CYP4F12: variants seen among roughly 807,000 people sequenced by gnomAD.
The protein encoded by CYP4F12 is cytochrome P450 family 4 subfamily F member 12, also known as cytochrome P450 4F12.
In CYP4F12, 60 loss-of-function variants were observed where a neutral mutation model predicts 56.5. The observed-to-expected ratio is 1.06, with a 90% CI of 0.86 to 1.32. The LOEUF is 1.32. Among genes scored for constraint, CYP4F12 ranks in the 40% most tolerant of loss-of-function variants. The probability of loss-of-function intolerance (pLI) is 0.00; values close to 1 mark genes in which losing one functional copy is unlikely to be tolerated. For missense variants in CYP4F12, 711 were observed against 683.5 expected, an observed-to-expected ratio of 1.04 and a Z score of -0.45; for synonymous variants, 263 against 264.9, an observed-to-expected ratio of 0.99 and a Z score of 0.07.
At chr19:15,675,637 C>T (rs115168490) in intron 2 of CYP4F12, among the ~76,000 whole-genome samples, 3,722 of 152,144 alleles carry the variant, frequency 0.024, 16 homozygotes, top group African/African-American at 0.086. Flanking sequence ...AGCTTGTCTT[C>T]TCTCTCTGCT....
chr19:15,687,366 A>G (rs542986882), intron 9 of CYP4F12, among the ~76,000 whole-genome samples: 21 of 152,202 alleles, frequency 1.4e-4, no homozygotes, highest in Admixed American at 3.3e-4. Context: ...GAAGATGGCT[A>G]TCTTGATGCC....
intron 9 of CYP4F12, among the ~76,000 whole-genome samples, chr19:15,687,475 T>C (rs1387384225): frequency 6.6e-6 from 1 of 152,228 alleles, no homozygotes; most frequent in Non-Finnish European, 1.5e-5. Flanking sequence ...AATGTCAGTG[T>C]GCCTCTCCCA....
rs755161486 is a variant in CYP4F12, at chr19:15,696,211, T to C, written c.1300T>C (p.Trp434Arg). The C allele has an allele frequency of 9.3e-6, 15 of 1,614,016 alleles. No homozygotes were observed. The highest frequency in any genetic ancestry group is 1.2e-5 in the Non-Finnish European group (14 of 1,180,024). The change falls in exon 11 of 13, where the codon TGG becomes CGG. Residue 434 changes from tryptophan to arginine, a missense_variant. Trp to Arg is a moderately radical substitution (Grantham distance 101). Coordinates refer to ENST00000550308, the MANE Select transcript of CYP4F12 (RefSeq NM_023944.4). ...AGGGGTCCATCACAACCCAACTGTG[T>C]GGCCGGATCCTGAGGTGCTGCCTTC... ...IIGVHHNPTV[W>R]PDPEVYDPFR...
rs575593495 is a variant in CYP4F12 at position 15,682,307 on chromosome 19, G to C, written c.526-82G>C. 3 of 1,561,882 alleles carry C rather than the reference G, an allele frequency of 1.9e-6. No individual in the cohort carries two copies. In the South Asian group the frequency reaches 3.5e-5, roughly 18 times the overall value. On this transcript the variant is annotated intron_variant, in intron 5 of 12. Transcript: ENST00000550308. ...GAGGACCAGGAGGCTGGTTGTGGGG[G>C]AGTCCATCCTGATGTTTGGGACTGG... is the stretch of plus-strand genomic sequence containing the variant.
rs753786918 is a variant in CYP4F12, at chr19:15,682,240, GCA to G, written c.526-148_526-147del. The stretch of plus-strand genomic sequence containing the variant: ...TCTCCTATACTAACAGTTTCTGCTC[GCA>G]TCCCAGTCTGGTCCTCGCTGGCAAT... On this transcript the variant is annotated intron_variant, in intron 5 of 12. Coordinates refer to ENST00000550308, the MANE Select transcript of CYP4F12 (RefSeq NM_023944.4). The G allele has an allele frequency of 4.0e-4, 429 of 1,070,894 alleles. No individual in the cohort carries two copies. In the Middle Eastern group the frequency reaches 4.8e-3, roughly 12 times the overall value. The allele number at this position is 1,070,894 out of a possible 1,614,324, so 66.3% of individuals were successfully genotyped here.
rs777809920 is a variant in CYP4F12, at chr19:15,673,591, T to G, written c.62T>G (p.Leu21Arg). 1.9e-6 allele frequency: 3 copies of G among 1,614,106 alleles called. No individual in the cohort carries two copies. Among genetic ancestry groups the G allele is most frequent in the Non-Finnish European group, 2.5e-6 (3 of 1,179,992 alleles). ...LRPVATSPWL[L>R]LLLVVGSWLL... ...CCGGTGGCAACGTCCCCATGGCTAC[T>G]CCTGCTGCTGGTTGTGGGCTCCTGG... Residue 21 changes from leucine (L) to arginine (R), a missense_variant, in exon 2 of 13, where the codon CTC (leucine) becomes CGC (arginine). Transcript: ENST00000550308.
At chr19:15,695,697 G>A (rs1337611942) in intron 9 of CYP4F12, among the ~76,000 whole-genome samples, 2 of 151,978 alleles carry the variant, frequency 1.3e-5, no homozygotes, top group African/African-American at 2.4e-5. Context: ...ATTTTTTACC[G>A]CTGGCTTCTG....
rs1410840572 is a variant in CYP4F12 at position 15,697,011 on chromosome 19, A to ATC, written c.1501_1502insTC (p.Lys501IlefsTer5). On this transcript the variant is annotated frameshift_variant, in exon 13 of 13. Coordinates refer to ENST00000550308, the MANE Select transcript of CYP4F12 (RefSeq NM_023944.4). LOFTEE classifies it low-confidence loss of function (END_TRUNC). The stretch of plus-strand genomic sequence containing the variant: ...GCCAGACCACACTGAGCCCCGCAGG[A>ATC]AGCTGGAATTGATCATGCGCGCCGA... 3 of 1,614,218 alleles carry ATC rather than the reference A, an allele frequency of 1.9e-6. No homozygotes were observed. In the South Asian group the frequency reaches 3.3e-5, roughly 18 times the overall value.
chr19:15,691,632 C>A (rs1032431643), intron 9 of CYP4F12, among the ~76,000 whole-genome samples: 6 of 151,908 alleles, frequency 3.9e-5, no homozygotes, highest in Admixed American at 1.3e-4. Flanking sequence ...CTGATATTTT[C>A]TGCTGTTTTT....
intron 10 of CYP4F12, 41 bp from the exon 11 acceptor site, chr19:15,696,120 T>G: frequency 1.9e-6 from 3 of 1,611,590 alleles, no homozygotes; most frequent in Non-Finnish European, 2.5e-6. Context: ...GATGGTTCCC[T>G]CAGGGGATCC....
At chr19:15,679,510 A>G (rs2007167322) in intron 3 of CYP4F12, among the ~76,000 whole-genome samples, 1 of 152,176 alleles carries the variant, frequency 6.6e-6, no homozygotes, top group Non-Finnish European at 1.5e-5. Context: ...ACCTGGTTAT[A>G]TCTTTTCTGT....
intron 3 of CYP4F12, 172 bp downstream of exon 3, chr19:15,678,577 C>T (rs993552638): frequency 1.9e-5 from 17 of 879,570 alleles, no homozygotes; most frequent in Non-Finnish European, 2.7e-5. Context: ...ACCACTGGGG[C>T]TCCAAGAGGC....
At position 15,696,040 on chromosome 19, in the gene CYP4F12, T is replaced by G. The variant is rs1424629816; in HGVS notation, c.1220T>G (p.Val407Gly). The G allele has an allele frequency of 1.2e-6, 2 of 1,613,834 alleles. No individual in the cohort carries two copies. Among genetic ancestry groups the G allele is most frequent in the Admixed American group, 1.7e-5 (1 of 59,962 alleles). Residue 407 changes from valine to glycine, a missense_variant, in exon 10 of 13, where the codon GTT (valine) becomes GGT (glycine). Transcript: ENST00000550308. ...TCCCGATGCTGCACCCAGGACATTG[T>G]TCTCCCAGATGGCCGAGTCATCCCC... ...FISRCCTQDI[V>G]LPDGRVIPKG...
chr19:15,696,843 T>G, intron 12 of CYP4F12, 65 bp from the exon 13 acceptor site: 1 of 1,535,988 alleles, frequency 6.5e-7, no homozygotes, highest in Non-Finnish European at 8.8e-7. Flanking sequence ...CAGGCCAGGT[T>G]CCTGGGTTGA....
intron 1 of CYP4F12, 147 bp downstream of exon 1, chr19:15,673,282 G>C (rs1485069219): frequency 1.6e-6 from 1 of 621,038 alleles, no homozygotes; most frequent in African/African-American, 1.9e-5. Context: ...AAGGATTCAG[G>C]TGGGGCCCTT....
At chr19:15,687,128 T>C (rs2007649882) in intron 9 of CYP4F12, among the ~76,000 whole-genome samples, 1 of 152,056 alleles carries the variant, frequency 6.6e-6, no homozygotes, top group Non-Finnish European at 1.5e-5. Flanking sequence ...GTATAAAAAA[T>C]TAGCCGGGCG....
At chr19:15,673,448 C>A in intron 1 of CYP4F12, 81 bp from the exon 2 acceptor site, 1 of 1,484,720 alleles carries the variant, frequency 6.7e-7, no homozygotes, top group South Asian at 1.2e-5. Flanking sequence ...CCCAGCAGTT[C>A]CTGACTTCGC....
At chr19:15,685,314 A>G in intron 9 of CYP4F12, 117 bp downstream of exon 9, 1 of 1,459,292 alleles carries the variant, frequency 6.9e-7, no homozygotes, top group Non-Finnish European at 9.2e-7. Flanking sequence ...TGGGTATAAA[A>G]GCAGAGGACC....
intron 2 of CYP4F12, among the ~76,000 whole-genome samples, chr19:15,676,571 A>C (rs1415068767): frequency 6.1e-5 from 1 of 16,516 alleles, no homozygotes; most frequent in Non-Finnish European, 1.1e-4. Flanking sequence ...TCATTCCTCT[A>C]CCCACACTCA....
Sources: gnomAD v4.1 joint callset for allele counts (sites outside exome capture counted in the v4.1 genomes callset) on GRCh38, gnomAD v4.1.1 for gene constraint, MANE v1.5 for transcripts, NCBI Gene and HGNC (gene_info 2026-07-23, HGNC 2026-07-21) for gene names.